The following DNAH8 variants were observed in gnomAD, a reference collection of about 807,000 sequenced individuals.
The protein encoded by DNAH8 is dynein axonemal heavy chain 8.
In DNAH8, 382 loss-of-function variants were observed where a neutral mutation model predicts 562.1. The observed-to-expected ratio is 0.68, with a 90% confidence interval of 0.63 to 0.74. DNAH8 has a LOEUF of 0.74. DNAH8 is among the 30% of genes least tolerant of loss of function. The pLI is 0.00. For missense variants in DNAH8, 5,203 were observed against 5,620.4 expected (o/e 0.93, Z 2.37); for synonymous variants, 1,881 against 1,919.4 (o/e 0.98, Z 0.52).
intron 79 of DNAH8, among the ~76,000 whole-genome samples, chr6:38,943,063 A>G (rs531248469): frequency 1.3e-5 from 2 of 152,334 alleles, no homozygotes; most frequent in Admixed American, 1.3e-4. Flanking sequence ...AGGGAGAACT[A>G]TACTGTATAG....
At chr6:38,742,893 T>C (rs1194635710) in intron 8 of DNAH8, among the ~76,000 whole-genome samples, 2 of 152,024 alleles carry the variant, frequency 1.3e-5, no homozygotes, top group African/African-American at 4.8e-5. Context: ...ATAAATGTCA[T>C]AGCATAATAT....
At position 38,788,910 on chromosome 6, in the gene DNAH8, C is replaced by G. The variant is rs1202070613; in HGVS notation, c.2584-893C>G. Among the ~76,000 whole-genome samples, 3 of 152,002 alleles carry G rather than the reference C, an allele frequency of 2.0e-5. No homozygotes were observed. In the East Asian group the frequency reaches 5.8e-4, roughly 29 times the overall value. On this transcript the variant is annotated intron_variant, in intron 18 of 92. Coordinates refer to ENST00000327475, the MANE Select transcript of DNAH8 (RefSeq NM_001206927.2). ...CAACAGTTTAATAGTTTAGCTCTTA[C>G]CAAAATAGTATTTAATTGTCTTTTT...
At chr6:38,820,985 A>G (rs1047362228) in intron 26 of DNAH8, among the ~76,000 whole-genome samples, 11 of 152,188 alleles carry the variant, frequency 7.2e-5, no homozygotes, top group Non-Finnish European at 1.3e-4. Flanking sequence ...AATTCTATCA[A>G]GTGGATTAAG....
At chr6:38,965,758 C>T (rs1762930284) in intron 82 of DNAH8, among the ~76,000 whole-genome samples, 1 of 152,170 alleles carries the variant, frequency 6.6e-6, no homozygotes, top group Non-Finnish European at 1.5e-5. Context: ...TGCCCCCCAC[C>T]TGTAAAAACT....
intron 21 of DNAH8, among the ~76,000 whole-genome samples, chr6:38,802,486 T>C: frequency 6.6e-6 from 1 of 152,262 alleles, no homozygotes; most frequent in East Asian, 1.9e-4. Flanking sequence ...TAGTTTTCTT[T>C]TCTGAATTTG....
chr6:38,828,510 G>A (rs1773561985), intron 30 of DNAH8, among the ~76,000 whole-genome samples: 1 of 152,022 alleles, frequency 6.6e-6, no homozygotes, highest in Admixed American at 6.5e-5. Context: ...CCATTGTCTA[G>A]AATTGCCTTC....
intron 86 of DNAH8, 63 bp from the exon 87 acceptor site, chr6:38,984,143 C>G (rs917003465): frequency 5.2e-6 from 5 of 967,930 alleles, no homozygotes; most frequent in Non-Finnish European, 7.9e-6. Flanking sequence ...GGGAAAGACC[C>G]GAAATGTTTA....
chr6:39,026,791 C>T (rs1256705996), intron 92 of DNAH8, 124 bp downstream of exon 92: 7 of 1,048,612 alleles, frequency 6.7e-6, no homozygotes, highest in African/African-American at 1.6e-5. Context: ...GGGTTCCCTC[C>T]ATCATAGCCA....
intron 26 of DNAH8, among the ~76,000 whole-genome samples, chr6:38,820,592 T>G (rs1738216): frequency 6.6e-6 from 1 of 151,894 alleles, no homozygotes; most frequent in Admixed American, 6.6e-5. Context: ...TTTAAAGGAC[T>G]CTTAAATTTA....
chr6:38,935,739 T>C (rs778361655), intron 77 of DNAH8, 42 bp downstream of exon 77: 1 of 1,409,970 alleles, frequency 7.1e-7, no homozygotes. Context: ...GGATTCTGAA[T>C]AAGGATTTCA....
intron 91 of DNAH8, among the ~76,000 whole-genome samples, chr6:39,019,783 G>A (rs1336106414): frequency 6.6e-6 from 1 of 152,202 alleles, no homozygotes; most frequent in South Asian, 2.1e-4. Flanking sequence ...GGTGTTGTCA[G>A]AGTGCTTAAT....
intron 57 of DNAH8, among the ~76,000 whole-genome samples, chr6:38,887,500 A>C (rs1339482472): frequency 1.3e-5 from 2 of 152,192 alleles, no homozygotes; most frequent in African/African-American, 4.8e-5. Flanking sequence ...GGAGGCCAGG[A>C]GATCAAGAGC....
chr6:38,861,681 G>A (rs900397968), intron 43 of DNAH8, among the ~76,000 whole-genome samples: 1 of 152,130 alleles, frequency 6.6e-6, no homozygotes, highest in African/African-American at 2.4e-5. Flanking sequence ...ACAGGCGCAT[G>A]CCACCACGCC....
chr6:38,894,798 A>G lies in DNAH8; in HGVS notation c.8681A>G (p.Glu2894Gly). 1 of 1,614,064 alleles carries G rather than the reference A, an allele frequency of 6.2e-7. No homozygotes were observed. The highest frequency in any genetic ancestry group is 1.1e-5 in the South Asian group (1 of 91,068). ...WQGMLTIKAE[E>G]CASIPTLLSL... ...GGAATGTTGACCATAAAAGCTGAGG[A>G]GTGCGCTTCAATCCCTACTCTCCTG... The change falls in exon 59 of 93, where the codon GAG (glutamate) becomes GGG (glycine). Residue 2894 changes from glutamate to glycine, a missense_variant. Physicochemically the swap from Glu to Gly is moderately conservative, Grantham distance 98. This residue lies in a region of DNAH8 where 977 missense variants were observed against 1,061.8 expected (regional missense o/e 0.92). Transcript: ENST00000327475.
chr6:38,734,549 A>G lies in DNAH8; in HGVS notation c.686A>G (p.Asp229Gly). The G allele has an allele frequency of 1.2e-6, 2 of 1,613,992 alleles. No homozygotes were observed. The highest frequency in any genetic ancestry group is 1.7e-6 in the Non-Finnish European group (2 of 1,180,000). The change falls in exon 5 of 93, where the codon GAT becomes GGT. Residue 229 changes from aspartate (D) to glycine (G), a missense_variant. By Grantham distance (94) the Asp-to-Gly change is moderately conservative. Around this residue, in one of 6 missense-constraint regions of DNAH8, gnomAD observed 556 missense variants for 496.9 expected, o/e 1.12. Transcript: ENST00000327475. The part of the protein sequence containing the change: ...MKLYIDNAAP[D>G]KLKGLCIFFV... ...TTGTATATAGACAATGCAGCCCCGG[A>G]TAAACTAAAAGGACTGTGCATATTT...
rs55933840 is a variant in DNAH8 at position 38,750,907 on chromosome 6, A to G, written c.1407+318A>G. On this transcript the variant is annotated intron_variant, in intron 9 of 92. Transcript: ENST00000327475. ...ATTTTCCTCTTATGTGTTTATGAAGAATGATAAACTATATTTAATATTTTA... is the reference window on the plus strand; with the variant it reads ...ATTTTCCTCTTATGTGTTTATGAAGGATGATAAACTATATTTAATATTTTA... 0.18 allele frequency among the ~76,000 whole-genome samples: 27,984 copies of G among 152,260 alleles called. 3,356 individuals carry two copies. The highest frequency in any genetic ancestry group is 0.27 in the Non-Finnish European group (18,443 of 68,000).
At chr6:38,971,986 G>T in intron 83 of DNAH8, 1 of 207,260 alleles carries the variant, frequency 4.8e-6, no homozygotes. Flanking sequence ...TAGTACTTAA[G>T]GAGTGACAGA....
intron 1 of DNAH8, among the ~76,000 whole-genome samples, chr6:38,715,653 T>C (rs1253761879): frequency 6.6e-6 from 1 of 151,990 alleles, no homozygotes; most frequent in East Asian, 1.9e-4. Context: ...CACTCCCCGT[T>C]TTGAGACTAG....
intron 82 of DNAH8, among the ~76,000 whole-genome samples, chr6:38,970,961 G>A (rs1414153112): frequency 6.6e-6 from 1 of 152,138 alleles, no homozygotes; most frequent in African/African-American, 2.4e-5. Context: ...ATCGTGGAGT[G>A]TTTTCATGTT....
Sources: allele counts gnomAD v4.1 joint callset (sites outside exome capture counted in the v4.1 genomes callset), GRCh38; gene constraint gnomAD v4.1.1; regional missense constraint gnomAD v4.1.1; transcripts MANE v1.5; gene names NCBI Gene and HGNC (gene_info 2026-07-23, HGNC 2026-07-21).